RPGRIP1: variants seen among roughly 807,000 people sequenced by gnomAD.
RPGRIP1 encodes the protein X-linked retinitis pigmentosa GTPase regulator-interacting protein 1.
Under a neutral mutation model 157.9 loss-of-function variants are expected in RPGRIP1, and 128 were observed. The ratio of observed to expected loss-of-function variants is 0.81; its 90% CI spans 0.70 to 0.94. The LOEUF (loss-of-function observed/expected upper bound fraction) is 0.94, where lower values mean the gene tolerates loss of function less well. RPGRIP1 is among the 40% of genes least tolerant of loss of function. The pLI, the probability that RPGRIP1 is intolerant of heterozygous loss-of-function variation, is 0.00. For synonymous variants in RPGRIP1, 554 were observed against 571.6 expected, an observed-to-expected ratio of 0.97 and a Z score of 0.44; for missense variants, 1,486 against 1,545.8, an observed-to-expected ratio of 0.96 and a Z score of 0.65.
At chr14:21,321,122 T>A in intron 12 of RPGRIP1, 137 bp from the exon 13 acceptor site, 2 of 835,462 alleles carry the variant, frequency 2.4e-6, no homozygotes, top group Non-Finnish European at 3.6e-6. Flanking sequence ...TGTGAAGTCA[T>A]ACAGGTCCTT....
rs146630300 is a variant in RPGRIP1, at chr14:21,296,847, C to T, written c.218+2038C>T. ...GTGGGCGCCTGAAATCCCAGCTACT[C>T]GGGAGACTGAAGCAGAATCACTTGA... On this transcript the variant is annotated intron_variant, in intron 3 of 24. Coordinates refer to ENST00000400017, the MANE Select transcript of RPGRIP1 (RefSeq NM_020366.4). 6.1e-4 allele frequency among the ~76,000 whole-genome samples: 92 copies of T among 150,848 alleles called. 1 individual carries two copies. Among genetic ancestry groups the T allele is most frequent in the African/African-American group, 2.0e-3 (83 of 41,150 alleles).
At chr14:21,328,395 G>C in intron 18 of RPGRIP1, 29 bp from the exon 19 acceptor site, 1 of 1,544,098 alleles carries the variant, frequency 6.5e-7, no homozygotes, top group Non-Finnish European at 8.8e-7. Flanking sequence ...CTACCAGCTT[G>C]TAATGCTATC....
intron 19 of RPGRIP1, 55 bp from the exon 20 acceptor site, chr14:21,330,194 A>G (rs970747326): frequency 5.3e-6 from 7 of 1,308,778 alleles, no homozygotes; most frequent in Non-Finnish European, 7.1e-6. Flanking sequence ...GAAGGAATGA[A>G]GAAAGAAAAC....
chr14:21,300,844 G>A (rs1880993934), intron 3 of RPGRIP1, 122 bp from the exon 4 acceptor site: 1 of 1,144,138 alleles, frequency 8.7e-7, no homozygotes, highest in Admixed American at 2.4e-5. Context: ...TTTAAAGTGT[G>A]GTTAATAGAT....
In RPGRIP1 at chr14:21,324,580, T is replaced by C. The variant is rs1031031034; in HGVS notation, c.1763-38T>C. 3.9e-5 allele frequency: 61 copies of C among 1,553,296 alleles called. No homozygotes were observed. The Admixed American group carries it at 9.8e-4, about 25-fold the overall frequency. Reference sequence around the variant, plus strand: ...TCCTCTACCCTAAGAAAGAGCTCCCTACCCTTTAACGGATAGGCAGCTTTC... The same window carrying C: ...TCCTCTACCCTAAGAAAGAGCTCCCCACCCTTTAACGGATAGGCAGCTTTC... On this transcript the variant is annotated intron_variant, in intron 14 of 24. Transcript: ENST00000400017.
At position 21,320,081 on chromosome 14, in the gene RPGRIP1, G is replaced by A. The variant is rs773711951; in HGVS notation, c.1371G>A (p.Glu457=). 3.7e-6 allele frequency: 6 copies of A among 1,613,574 alleles called. No individual in the cohort carries two copies. Among genetic ancestry groups the A allele is most frequent in the Non-Finnish European group, 1.7e-6 (2 of 1,179,724 alleles). Residue 457 remains glutamate (E), a synonymous_variant, in exon 12 of 25, where the codon GAG becomes GAA. Coordinates refer to ENST00000400017, the MANE Select transcript of RPGRIP1 (RefSeq NM_020366.4). ...TTCAGAAGCATAAACAGGAAGTAGA[G>A]CTCCTCCAAAATGCAGCCACAATTT... ...NILQKHKQEV[E]LLQNAATISQ...
In RPGRIP1 at chr14:21,305,582, C is replaced by T. The variant is rs116106455; in HGVS notation, c.800+2039C>T. Among the ~76,000 whole-genome samples, 1,241 of 152,182 alleles carry T rather than the reference C, an allele frequency of 8.2e-3. 13 individuals are homozygous for T. Among genetic ancestry groups the T allele is most frequent in the African/African-American group, 0.027 (1,111 of 41,526 alleles). ...ATATTTTAAAACCACAGATCCAGGC[C>T]GGGTGCGGTGGCTTATGCCTGTAAT... On this transcript the variant is annotated intron_variant, in intron 6 of 24. Transcript: ENST00000400017.
intron 2 of RPGRIP1, among the ~76,000 whole-genome samples, chr14:21,291,851 C>A (rs999591508): frequency 1.3e-5 from 2 of 152,026 alleles, no homozygotes; most frequent in Non-Finnish European, 2.9e-5. Context: ...CCTCCACCTC[C>A]CAGATTCAAG....
At chr14:21,318,566 C>T (rs749057174) in intron 11 of RPGRIP1, among the ~76,000 whole-genome samples, 36 of 152,306 alleles carry the variant, frequency 2.4e-4, no homozygotes, top group Non-Finnish European at 5.3e-4. Context: ...ACCTCTGCCT[C>T]CCAGGTTCAA....
intron 21 of RPGRIP1, among the ~76,000 whole-genome samples, chr14:21,335,443 C>A (rs7144548): frequency 0.03 from 4,590 of 152,146 alleles, 197 homozygotes; most frequent in African/African-American, 0.099. Flanking sequence ...TCCATTTCTG[C>A]TGTTTTTTAC....
chr14:21,332,041 C>G (rs572248225), intron 20 of RPGRIP1, among the ~76,000 whole-genome samples: 8 of 150,220 alleles, frequency 5.3e-5, no homozygotes, highest in African/African-American at 2.0e-4. Flanking sequence ...CAGGTTCAAG[C>G]GATTCTCCTG....
chr14:21,310,537 C>A (rs1047742693), intron 7 of RPGRIP1, 47 bp from the exon 8 acceptor site: 4 of 997,142 alleles, frequency 4.0e-6, no homozygotes, highest in African/African-American at 1.7e-5. Context: ...ATAAATATAT[C>A]ATGAAATTGA....
intron 6 of RPGRIP1, among the ~76,000 whole-genome samples, chr14:21,304,046 C>T (rs1431187743): frequency 7.0e-6 from 1 of 142,160 alleles, no homozygotes; most frequent in Non-Finnish European, 1.5e-5. Flanking sequence ...GGCGCAGTGG[C>T]TCACGCCTGT....
intron 21 of RPGRIP1, among the ~76,000 whole-genome samples, chr14:21,335,194 ACAGT>A (rs1884218858): frequency 6.6e-6 from 1 of 152,082 alleles, no homozygotes; most frequent in Non-Finnish European, 1.5e-5. Flanking sequence ...GTCGGCTGGT[ACAGT>A]CAGATAAAAG....
chr14:21,319,692 G>A (rs1448694068), intron 11 of RPGRIP1, among the ~76,000 whole-genome samples: 3 of 152,144 alleles, frequency 2.0e-5, no homozygotes, highest in Non-Finnish European at 4.4e-5. Context: ...TGGAGTTGGT[G>A]AGATACTGGT....
intron 11 of RPGRIP1, among the ~76,000 whole-genome samples, chr14:21,318,956 A>G (rs963065737): frequency 6.6e-6 from 1 of 152,062 alleles, no homozygotes; most frequent in Non-Finnish European, 1.5e-5. Context: ...AGGTATTTGG[A>G]ACATTTTTAA....
chr14:21,343,287 G>T (rs1885207659), intron 22 of RPGRIP1, 59 bp downstream of exon 22: 1 of 1,330,494 alleles, frequency 7.5e-7, no homozygotes, highest in Non-Finnish European at 1.0e-6. Flanking sequence ...GAGACTGAGG[G>T]TCAGAATTAC....
intron 9 of RPGRIP1, 57 bp downstream of exon 9, chr14:21,312,027 T>TA: frequency 3.4e-6 from 5 of 1,491,994 alleles, no homozygotes; most frequent in Non-Finnish European, 3.7e-6. Flanking sequence ...GATGTTAGAA[T>TA]GTGTATCTTA....
chr14:21,342,930 C>G, intron 21 of RPGRIP1, 106 bp from the exon 22 acceptor site: 1 of 765,204 alleles, frequency 1.3e-6, no homozygotes, highest in Non-Finnish European at 2.1e-6. Flanking sequence ...ATAGATTATA[C>G]CTATGGTTGA....
Sources: allele counts gnomAD v4.1 joint callset (sites outside exome capture counted in the v4.1 genomes callset), GRCh38; gene constraint gnomAD v4.1.1; transcripts MANE v1.5; gene names NCBI Gene and HGNC (gene_info 2026-07-23, HGNC 2026-07-21).